The following TXLNB variants were observed in gnomAD, a reference collection of about 807,000 sequenced individuals.
TXLNB encodes beta-taxilin.
A neutral mutation model predicts 57.4 loss-of-function variants in TXLNB; 37 were observed. That is an observed-to-expected ratio of 0.64 (90% CI 0.50 to 0.85). TXLNB has a LOEUF of 0.85. Ranked by LOEUF, TXLNB falls within the 40% of genes least tolerant of loss-of-function variation. The pLI is 0.00. For missense variants in TXLNB, 848 were observed against 825.6 expected (o/e 1.03, Z -0.33); for synonymous variants, 302 against 309.6 (o/e 0.98, Z 0.26).
At position 139,243,225 on chromosome 6, in the gene TXLNB, G is replaced by A. The variant is rs748932967; in HGVS notation, c.1356C>T (p.Asn452=). The A allele has an allele frequency of 3.4e-5, 55 of 1,613,902 alleles. No individual in the cohort carries two copies. The highest frequency in any genetic ancestry group is 6.6e-5 in the South Asian group (6 of 91,080). The change falls in exon 10 of 10, where the codon AAC becomes AAT. Residue 452 remains asparagine (N), a synonymous_variant. Coordinates refer to ENST00000358430, the MANE Select transcript of TXLNB (RefSeq NM_153235.4). ...CGTCTCTGATTTTTTTGTGGAGTTC[G>A]TTTCTCTCTTCTTGTAAAGCACGGC... The part of the protein sequence containing the change: ...NLCRALQEER[N]ELHKKIRDAE...
At chr6:139,198,462 C>G in the TXLNB span, among the ~76,000 whole-genome samples, 1 of 152,122 alleles carries the variant, frequency 6.6e-6, no homozygotes, top group Admixed American at 6.5e-5. Flanking sequence ...CTGGAGCCAG[C>G]ATCTCAGGCC....
the TXLNB span, among the ~76,000 whole-genome samples, chr6:139,219,327 C>T: frequency 6.4e-4 from 98 of 152,334 alleles, no homozygotes; most frequent in South Asian, 0.011. Context: ...GATTTAGTGA[C>T]AAGCAGGCCT....
rs557177038 is a variant in TXLNB, at chr6:139,269,649, A to T, written c.687+807T>A. ...TTTCATGTACTCTGTTTCTTGAAGT[A>T]TCTCCTTTTAAACGCTTATAATAAT... is the stretch of plus-strand genomic sequence containing the variant. On this transcript the variant is annotated intron_variant, in intron 4 of 9. Transcript: ENST00000358430. Among the ~76,000 whole-genome samples, 5 of 152,350 alleles carry T rather than the reference A, an allele frequency of 3.3e-5. No individual in the cohort carries two copies. In the South Asian group the frequency reaches 1.0e-3, roughly 32 times the overall value.
At chr6:139,308,832 A>G in the TXLNB span, among the ~76,000 whole-genome samples, 1 of 152,254 alleles carries the variant, frequency 6.6e-6, no homozygotes, top group Admixed American at 6.5e-5. Context: ...ACCATAAAGG[A>G]CAAGTGGCAA....
chr6:139,275,511 A>G (rs1340278853), intron 3 of TXLNB, among the ~76,000 whole-genome samples: 1 of 152,234 alleles, frequency 6.6e-6, no homozygotes, highest in East Asian at 1.9e-4. Context: ...ATTCAGCATT[A>G]TATATCTTCG....
At chr6:139,230,970 A>G in the TXLNB span, among the ~76,000 whole-genome samples, 1 of 152,316 alleles carries the variant, frequency 6.6e-6, no homozygotes, top group Admixed American at 6.5e-5. Flanking sequence ...CATAGGCTCC[A>G]TTACTTTATT....
chr6:139,182,432 A>G, the TXLNB span, among the ~76,000 whole-genome samples: 2 of 152,238 alleles, frequency 1.3e-5, no homozygotes, highest in Non-Finnish European at 2.9e-5. Flanking sequence ...TTGGTAAGCA[A>G]TTAGTTTAAT....
the TXLNB span, among the ~76,000 whole-genome samples, chr6:139,226,385 G>A: frequency 7.0e-6 from 1 of 142,188 alleles, no homozygotes; most frequent in Non-Finnish European, 1.5e-5. Context: ...TATGACTAAA[G>A]TAGCACAAAG....
At chr6:139,213,398 A>T in the TXLNB span, among the ~76,000 whole-genome samples, 8 of 152,248 alleles carry the variant, frequency 5.3e-5, no homozygotes, top group Admixed American at 4.6e-4. Context: ...AACGAAATGA[A>T]GGTAGAAATA....
At chr6:139,298,118 T>C in the TXLNB span, among the ~76,000 whole-genome samples, 5 of 152,206 alleles carry the variant, frequency 3.3e-5, no homozygotes, top group African/African-American at 1.2e-4. Context: ...GTGAAAAGAA[T>C]TGTTTTATCA....
At chr6:139,171,969 T>C in the TXLNB span, among the ~76,000 whole-genome samples, 1 of 152,134 alleles carries the variant, frequency 6.6e-6, no homozygotes, top group Non-Finnish European at 1.5e-5. Context: ...TAGCTGGGAC[T>C]ACAGGCGCCG....
the TXLNB span, chr6:139,197,991 T>C: frequency 6.6e-6 from 1 of 152,230 alleles, no homozygotes; most frequent in African/African-American, 2.4e-5. Context: ...TTCTCACCCA[T>C]GAGTACTGTT....
chr6:139,208,054 T>C, the TXLNB span, among the ~76,000 whole-genome samples: 1 of 151,746 alleles, frequency 6.6e-6, no homozygotes, highest in Non-Finnish European at 1.5e-5. Flanking sequence ...CCAGCCTGGA[T>C]GACAGAGTGA....
At chr6:139,179,749 G>T in the TXLNB span, 2 of 151,994 alleles carry the variant, frequency 1.3e-5, no homozygotes, top group Non-Finnish European at 2.9e-5. Context: ...ATTGGAATTG[G>T]AATATATCAA....
the TXLNB span, among the ~76,000 whole-genome samples, chr6:139,233,858 G>A: frequency 6.6e-5 from 10 of 152,326 alleles, no homozygotes; most frequent in African/African-American, 2.4e-4. Context: ...TGGGTAACAG[G>A]CAGAGGTTGA....
intron 6 of TXLNB, 86 bp from the exon 7 acceptor site, chr6:139,255,724 A>G: frequency 2.0e-6 from 2 of 1,022,000 alleles, no homozygotes; most frequent in Non-Finnish European, 1.5e-6. Flanking sequence ...AAAACTTAGC[A>G]ACCTGCTCAT....
the TXLNB span, among the ~76,000 whole-genome samples, chr6:139,200,266 T>C: frequency 1.3e-5 from 2 of 152,154 alleles, no homozygotes; most frequent in Admixed American, 1.3e-4. Context: ...CTATTTTCTC[T>C]CACAGGCATC....
the TXLNB span, chr6:139,170,714 T>A: frequency 5.3e-5 from 8 of 152,176 alleles, no homozygotes; most frequent in Non-Finnish European, 1.2e-4. Context: ...GCAGAAGTAC[T>A]TTCAAGCCAT....
the TXLNB span, among the ~76,000 whole-genome samples, chr6:139,323,915 T>C: frequency 1.2e-4 from 18 of 152,126 alleles, no homozygotes. Flanking sequence ...TCAGTGCTCA[T>C]CCCCGTCCTT....
Sources: allele counts gnomAD v4.1 joint callset (sites outside exome capture counted in the v4.1 genomes callset), GRCh38; gene constraint gnomAD v4.1.1; transcripts MANE v1.5; gene names NCBI Gene and HGNC (gene_info 2026-07-23, HGNC 2026-07-21).